The following ABHD5 variants were observed in gnomAD, a reference collection of about 807,000 sequenced individuals.
ABHD5 encodes the protein abhydrolase domain containing 5, lysophosphatidic acid acyltransferase.
A neutral mutation model predicts 44.9 loss-of-function variants in ABHD5; 30 were observed. The observed-to-expected ratio is 0.67, with a 90% CI of 0.50 to 0.91. ABHD5 has a LOEUF of 0.91. Among genes scored for constraint, ABHD5 ranks in the 40% least tolerant of loss-of-function variants. ABHD5 has a pLI of 0.00. For missense variants in ABHD5, 399 were observed against 423.4 expected, an observed-to-expected ratio of 0.94 and a Z score of 0.50; for synonymous variants, 167 against 147.0, an observed-to-expected ratio of 1.14 and a Z score of -0.99.
chr3:43,698,650 G>A (rs115424410), intron 1 of ABHD5, among the ~76,000 whole-genome samples: 2,103 of 152,218 alleles, frequency 0.014, 17 homozygotes, highest in Middle Eastern at 0.058. Flanking sequence ...TGCTTTGGTC[G>A]TTCTGTTCAT....
Position 43,714,938 on chromosome 3 carries a change from G to A in ABHD5, c.662-9G>A, listed in dbSNP as rs771931499. 14 of 1,599,654 alleles carry A rather than the reference G, an allele frequency of 8.8e-6. No homozygotes were observed. Among genetic ancestry groups the A allele is most frequent in the Non-Finnish European group, 1.2e-5 (14 of 1,167,346 alleles). On this transcript the variant is annotated splice_polypyrimidine_tract_variant and intron_variant, in intron 4 of 6. Transcript: ENST00000644371. ...AAAACATGCATTTTTTAAATTTCCT[G>A]TTAAATAGGTTTAAGTCTAGTGCAG... is the stretch of plus-strand genomic sequence containing the variant.
intron 3 of ABHD5, among the ~76,000 whole-genome samples, chr3:43,707,078 A>T (rs1005318171): frequency 6.6e-6 from 1 of 152,172 alleles, no homozygotes; most frequent in African/African-American, 2.4e-5. Context: ...CAACTTTTGG[A>T]TTACAGGCGT....
At chr3:43,709,505 A>G (rs1455148688) in intron 3 of ABHD5, among the ~76,000 whole-genome samples, 1 of 150,524 alleles carries the variant, frequency 6.6e-6, no homozygotes, top group Non-Finnish European at 1.5e-5. Flanking sequence ...CAGGTCAGAA[A>G]GAGCTTAGAG....
chr3:43,699,804 G>A (rs2084517230), intron 2 of ABHD5: 3 of 168,080 alleles, frequency 1.8e-5, no homozygotes, highest in African/African-American at 7.2e-5. Context: ...TGTCTTTAAT[G>A]TCTAGCTTGA....
At position 43,721,022 on chromosome 3, in the gene ABHD5, C is replaced by T. The variant is rs192172748; in HGVS notation, c.*2490C>T. The T allele has an allele frequency of 6.6e-5, 10 of 150,928 alleles. No homozygotes were observed. The highest frequency in any genetic ancestry group is 2.1e-4 in the South Asian group (1 of 4,794). 9.3% of individuals were successfully genotyped at this position (150,928 alleles called of 1,614,324 possible). On this transcript the variant is annotated 3_prime_UTR_variant, in exon 7 of 7. Coordinates refer to ENST00000644371, the MANE Select transcript of ABHD5 (RefSeq NM_016006.6). Reference sequence around the variant, plus strand: ...ATATATTTATACTTAAAGGGCCATACGCGATTTCAATAAAACAAGAAGTAC... The same window carrying T: ...ATATATTTATACTTAAAGGGCCATATGCGATTTCAATAAAACAAGAAGTAC...
Position 43,691,036 on chromosome 3 carries a change from A to G in ABHD5, c.44A>G (p.Glu15Gly). 1.9e-6 allele frequency: 3 copies of G among 1,556,568 alleles called. No individual in the cohort carries two copies. The highest frequency in any genetic ancestry group is 1.7e-6 in the Non-Finnish European group (2 of 1,153,764). Residue 15 changes from glutamate to glycine, a missense_variant, in exon 1 of 7, where the codon GAG (glutamate) becomes GGG (glycine). Transcript: ENST00000644371. ...EEEVDSADTG[E>G]RSGWLTGWLP... Reference sequence around the variant, plus strand: ...GAGGTGGACTCTGCCGACACCGGAGAGAGGTAAGCGCAGCCGGCAGGGGGC... The same window carrying G: ...GAGGTGGACTCTGCCGACACCGGAGGGAGGTAAGCGCAGCCGGCAGGGGGC...
At position 43,702,698 on chromosome 3, in the gene ABHD5, T is replaced by G. The variant is rs529701469; in HGVS notation, c.506+111T>G. The G allele has an allele frequency of 4.2e-4, 624 of 1,493,716 alleles. 1 individual carries two copies. The Middle Eastern group carries it at 6.5e-3, about 16-fold the overall frequency. The allele number at this position is 1,493,716 out of a possible 1,614,324, so 92.5% of individuals were successfully genotyped here. On this transcript the variant is annotated intron_variant, in intron 3 of 6. Coordinates refer to ENST00000644371, the MANE Select transcript of ABHD5 (RefSeq NM_016006.6). ...CTGAGCCACAAGGCAGACATTCTCT[T>G]AAAGGACCCTATAGACCACACCACA...
At chr3:43,723,885 A>G (rs2084860710), downstream of ABHD5, among the ~76,000 whole-genome samples, 1 of 152,230 alleles carries the variant, frequency 6.6e-6, no homozygotes, top group Non-Finnish European at 1.5e-5. Context: ...ATCAGATGAT[A>G]TTAAGGAGTT....
intron 1 of ABHD5, among the ~76,000 whole-genome samples, chr3:43,698,714 G>T (rs1343888505): frequency 6.6e-6 from 1 of 152,178 alleles, no homozygotes; most frequent in Non-Finnish European, 1.5e-5. Flanking sequence ...CAGTTAACCA[G>T]TTCACCCTAA....
At chr3:43,701,654 A>G (rs1486469153) in intron 2 of ABHD5, among the ~76,000 whole-genome samples, 1 of 152,196 alleles carries the variant, frequency 6.6e-6, no homozygotes, top group African/African-American at 2.4e-5. Context: ...GAGTTCCTAC[A>G]ATACTTTGTC....
At chr3:43,723,344 T>C (rs2084856314), downstream of ABHD5, among the ~76,000 whole-genome samples, 1 of 152,170 alleles carries the variant, frequency 6.6e-6, no homozygotes, top group Non-Finnish European at 1.5e-5. Context: ...GTAAGAATCA[T>C]AGGTAAATAT....
chr3:43,690,930 G>A (rs954223579), upstream of ABHD5: 7 of 1,521,566 alleles, frequency 4.6e-6, no homozygotes, highest in South Asian at 3.6e-5. Context: ...GCCAGCCCGG[G>A]GCGGCCCAGT....
At chr3:43,690,873 G>A (rs1575595614), upstream of ABHD5, 3 of 1,141,088 alleles carry the variant, frequency 2.6e-6, no homozygotes, top group East Asian at 9.6e-5. Context: ...CCGTGCTAGT[G>A]CGCGGAAGAC....
downstream of ABHD5, among the ~76,000 whole-genome samples, chr3:43,724,693 C>A (rs1192146454): frequency 6.6e-6 from 1 of 152,030 alleles, no homozygotes; most frequent in Admixed American, 6.6e-5. Flanking sequence ...TACCAAAATG[C>A]AGAATATTTC....
intron 5 of ABHD5, among the ~76,000 whole-genome samples, chr3:43,716,454 G>A (rs1454221139): frequency 6.6e-6 from 1 of 152,154 alleles, no homozygotes; most frequent in Non-Finnish European, 1.5e-5. Flanking sequence ...TGCAGAGACA[G>A]CCTCCCTCTC....
chr3:43,728,634 G>A (rs980798546), intron 7 of ABHD5, among the ~76,000 whole-genome samples: 1 of 152,196 alleles, frequency 6.6e-6, no homozygotes, highest in Non-Finnish European at 1.5e-5. Context: ...TTACTGTTAT[G>A]TGACTGTTAA....
chr3:43,718,518 G>A lies in ABHD5; in HGVS notation c.1036G>A (p.Asp346Asn), dbSNP rs752706370. The change falls in exon 7 of 7, where the codon GAC becomes AAC. Residue 346 changes from aspartate (D) to asparagine (N), a missense_variant. Transcript: ENST00000644371. ...EFNQKVKEIC[D>N]TVD ...CAACCAGAAAGTAAAGGAGATCTGC[G>A]ACACTGTGGACTGAACACACTGAAG... 2 of 1,614,064 alleles carry A rather than the reference G, an allele frequency of 1.2e-6. No individual in the cohort carries two copies. Among genetic ancestry groups the A allele is most frequent in the South Asian group, 1.1e-5 (1 of 91,078 alleles).
chr3:43,717,879 G>A (rs750106744), intron 6 of ABHD5, 22 bp downstream of exon 6: 16 of 1,613,848 alleles, frequency 9.9e-6, no homozygotes, highest in South Asian at 2.2e-5. Flanking sequence ...GCTTGATTTG[G>A]GTTTTTAGGT....
Position 43,702,496 on chromosome 3 carries a change from A to G in ABHD5, c.415A>G (p.Arg139Gly). The change falls in exon 3 of 7, where the codon AGA becomes GGA. Residue 139 changes from arginine to glycine, a missense_variant. By Grantham distance (125) the Arg-to-Gly change is moderately radical (BLOSUM62 -2). Coordinates refer to ENST00000644371, the MANE Select transcript of ABHD5 (RefSeq NM_016006.6). ...NQFVESIEEW[R>G]CALGLDKMIL... ...GTTTGTGGAATCCATTGAAGAGTGG[A>G]GATGTGCCCTAGGATTGGACAAAAT... The G allele has an allele frequency of 6.2e-7, 1 of 1,614,248 alleles. No individual in the cohort carries two copies. The highest frequency in any genetic ancestry group is 8.5e-7 in the Non-Finnish European group (1 of 1,180,044).
Sources: allele counts gnomAD v4.1 joint callset (sites outside exome capture counted in the v4.1 genomes callset), GRCh38; gene constraint gnomAD v4.1.1; transcripts MANE v1.5; gene names NCBI Gene and HGNC (gene_info 2026-07-23, HGNC 2026-07-21).